The following EHBP1L1 variants were observed in gnomAD, a reference collection of about 807,000 sequenced individuals.
EHBP1L1 encodes the protein EH domain-binding protein 1-like protein 1.
In EHBP1L1, 122 loss-of-function variants were observed where a neutral mutation model predicts 151.1. The observed-to-expected ratio is 0.81, with a 90% confidence interval of 0.70 to 0.94. The LOEUF (loss-of-function observed/expected upper bound fraction) is 0.94. EHBP1L1 is among the 40% of genes least tolerant of loss of function. The probability of loss-of-function intolerance (pLI) is 0.00; values close to 1 mark genes in which losing one functional copy is unlikely to be tolerated. For synonymous variants in EHBP1L1, 878 were observed against 810.1 expected (o/e 1.08, Z -1.42); for missense variants, 1,941 against 1,959.8 (o/e 0.99, Z 0.18).
chr11:65,590,761 C>G (rs1305870195), intron 16 of EHBP1L1, among the ~76,000 whole-genome samples, 169 bp downstream of exon 16: 1 of 152,258 alleles, frequency 6.6e-6, no homozygotes, highest in Non-Finnish European at 1.5e-5. Context: ...ACTGGCCAGG[C>G]ACGGTGTCTC....
In EHBP1L1 at chr11:65,583,527, G is replaced by C; in HGVS notation, c.2855G>C (p.Trp952Ser). ...WGMSEGKSGA[W>S]GAQEAEMKVL... ...ATGTCAGAGGGCAAATCTGGGGCTT[G>C]GGGGGCCCAGGAAGCAGAGATGAAG... Residue 952 changes from tryptophan to serine, a missense_variant, in exon 9 of 19, where the codon TGG becomes TCG. Trp to Ser is a radical substitution (Grantham distance 177). Coordinates refer to ENST00000309295, the MANE Select transcript of EHBP1L1 (RefSeq NM_001099409.3). The C allele has an allele frequency of 6.2e-7, 1 of 1,613,134 alleles. No individual in the cohort carries two copies. The highest frequency in any genetic ancestry group is 8.5e-7 in the Non-Finnish European group (1 of 1,179,646).
Position 65,590,588 on chromosome 11 carries a change from C to A in EHBP1L1, c.4279C>A (p.Leu1427Met), listed in dbSNP as rs560655143. ...ALIRRQDQLQ[L>M]LMEEQDLERR... ...CATCCGGAGGCAGGACCAGCTGCAG[C>A]TGCTGTGAGTGCTGGCCCCGGGCCA... Residue 1427 changes from leucine (L) to methionine (M), a missense_variant, in exon 16 of 19, where the codon CTG (leucine) becomes ATG (methionine). By Grantham distance (15) the Leu-to-Met change is conservative (BLOSUM62 2). Transcript: ENST00000309295. 25 of 1,613,228 alleles carry A rather than the reference C, an allele frequency of 1.5e-5. No individual in the cohort carries two copies. Among genetic ancestry groups the A allele is most frequent in the Non-Finnish European group, 2.1e-5 (25 of 1,179,786 alleles).
chr11:65,578,979 C>A, intron 1 of EHBP1L1, 99 bp from the exon 2 acceptor site: 1 of 1,221,386 alleles, frequency 8.2e-7, no homozygotes, highest in Non-Finnish European at 1.2e-6. Flanking sequence ...AGAAGGAAGA[C>A]CCTGAGGGAG....
Position 65,590,527 on chromosome 11 carries a change from G to T in EHBP1L1, c.4218G>T (p.Gln1406His). 6.2e-7 allele frequency: 1 copy of T among 1,613,624 alleles called. No individual in the cohort carries two copies. Among genetic ancestry groups the T allele is most frequent in the Non-Finnish European group, 8.5e-7 (1 of 1,179,824 alleles). Residue 1406 changes from glutamine to histidine, a missense_variant, in exon 16 of 19, where the codon CAG becomes CAT. Coordinates refer to ENST00000309295, the MANE Select transcript of EHBP1L1 (RefSeq NM_001099409.3). ...ANKLQEEVLI[Q>H]EWFTLVNKKN... is the part of the protein sequence containing the mutation. ...AGCTGCAGGAGGAGGTGCTGATCCA[G>T]GAGTGGTTCACCCTGGTCAACAAGA...
chr11:65,591,693 G>A, intron 16 of EHBP1L1, 107 bp from the exon 17 acceptor site: 1 of 877,076 alleles, frequency 1.1e-6, no homozygotes, highest in Non-Finnish European at 1.9e-6. Flanking sequence ...GAACTGCTGG[G>A]GAGGTGGGAT....
At chr11:65,588,849 G>C (rs115362290) in intron 12 of EHBP1L1, among the ~76,000 whole-genome samples, 1 of 152,236 alleles carries the variant, frequency 6.6e-6, no homozygotes, top group Non-Finnish European at 1.5e-5. Context: ...CCGCTCCTGG[G>C]TGTGGGAACT....
At chr11:65,591,930 A>G in intron 17 of EHBP1L1, 46 bp from the exon 18 acceptor site, 2 of 1,603,224 alleles carry the variant, frequency 1.2e-6, no homozygotes, top group Non-Finnish European at 1.7e-6. Context: ...GAGGCGGCAC[A>G]GCCCTGGGCC....
At position 65,576,082 on chromosome 11, in the gene EHBP1L1, C is replaced by T. The variant is rs956000785; in HGVS notation, c.-221C>T. ...AACGGCGCGCTCCCAGCTCCGCGCT[C>T]GCCACCCGACGCGCCCCAGGCGACC... On this transcript the variant is annotated 5_prime_UTR_variant, in exon 1 of 19. Transcript: ENST00000309295. 1 of 322,546 alleles carries T rather than the reference C, an allele frequency of 3.1e-6. No homozygotes were observed. The highest frequency in any genetic ancestry group is 4.9e-5 in the East Asian group (1 of 20,512). The allele number at this position is 322,546 out of a possible 1,614,324, so 20.0% of individuals were successfully genotyped here.
rs1857622999 is a variant in EHBP1L1 at position 65,581,761 on chromosome 11, G to A, written c.1089G>A (p.Glu363=). Residue 363 remains glutamate, a synonymous_variant, in exon 9 of 19, where the codon GAG becomes GAA. Transcript: ENST00000309295. ...GAGCTAGGCTGGGCCCGAGCATTGA[G>A]GATAAAGGTTCTGGAGACCCTTTTG... is the stretch of plus-strand genomic sequence containing the variant. ...AHGARLGPSI[E]DKGSGDPFGR... The A allele has an allele frequency of 6.2e-7, 1 of 1,611,050 alleles. No individual in the cohort carries two copies. The highest frequency in any genetic ancestry group is 1.1e-5 in the South Asian group (1 of 90,498).
In EHBP1L1 at chr11:65,581,015, C is replaced by T. The variant is rs770271847; in HGVS notation, c.635-43C>T. The T allele has an allele frequency of 2.6e-6, 4 of 1,559,674 alleles. No homozygotes were observed. The African/African-American group carries it at 4.1e-5, about 16-fold the overall frequency. On this transcript the variant is annotated intron_variant, in intron 6 of 18. Coordinates refer to ENST00000309295, the MANE Select transcript of EHBP1L1 (RefSeq NM_001099409.3). ...GGGGGTCAGGCCTGTGGGGCCCTGC[C>T]CTGGGCTGACTCTGCCCTTCTCCCC...
chr11:65,584,616 C>G (rs1016793012), intron 11 of EHBP1L1, 82 bp downstream of exon 11: 37 of 1,539,340 alleles, frequency 2.4e-5, no homozygotes, highest in Non-Finnish European at 3.2e-5. Flanking sequence ...AGAAAGTGGA[C>G]TGCCGGGCCC....
chr11:65,584,742 C>A, intron 11 of EHBP1L1: 2 of 985,844 alleles, frequency 2.0e-6, no homozygotes, highest in Non-Finnish European at 2.9e-6. Flanking sequence ...ATGGTTTTTC[C>A]AAAACCACCC....
At position 65,583,715 on chromosome 11, in the gene EHBP1L1, G is replaced by A. The variant is rs1320156655; in HGVS notation, c.3043G>A (p.Ala1015Thr). ...ASGAGAGAPR[A>T]SSPEKAEEDR... Reference sequence around the variant, plus strand: ...TGGGGCAGGGGCTGGGGCGCCCAGGGCCTCTTCCCCAGAGAAGGCTGAAGA... The same window carrying A: ...TGGGGCAGGGGCTGGGGCGCCCAGGACCTCTTCCCCAGAGAAGGCTGAAGA... The change falls in exon 9 of 19, where the codon GCC becomes ACC. Residue 1015 changes from alanine to threonine, a missense_variant. Ala to Thr is a moderately conservative substitution (Grantham distance 58, BLOSUM62 0). Transcript: ENST00000309295. The A allele has an allele frequency of 2.6e-6, 4 of 1,551,478 alleles. No individual in the cohort carries two copies. In the South Asian group the frequency reaches 4.7e-5, roughly 18 times the overall value.
chr11:65,576,494 C>G (rs1857333373), intron 1 of EHBP1L1, 88 bp downstream of exon 1: 2 of 1,237,072 alleles, frequency 1.6e-6, no homozygotes, highest in African/African-American at 1.5e-5. Flanking sequence ...GCCCCCCCAG[C>G]CCAATGACCA....
Position 65,590,133 on chromosome 11 carries a change from C to G in EHBP1L1, c.4106C>G (p.Ala1369Gly), listed in dbSNP as rs1858190919. Residue 1369 changes from alanine to glycine, a missense_variant, in exon 15 of 19, where the codon GCC becomes GGC. Physicochemically the swap from Ala to Gly is moderately conservative, Grantham distance 60 (BLOSUM62 0). Coordinates refer to ENST00000309295, the MANE Select transcript of EHBP1L1 (RefSeq NM_001099409.3). ...CAGTACGTGTGTGCAGAGCTGCAGG[C>G]CCTGGAACAGGAGCAGAGGCAGATA... is the stretch of plus-strand genomic sequence containing the variant. The part of the protein sequence containing the change: ...TSQYVCAELQ[A>G]LEQEQRQIDG... 1 of 1,613,664 alleles carries G rather than the reference C, an allele frequency of 6.2e-7. No individual in the cohort carries two copies. The highest frequency in any genetic ancestry group is 1.1e-5 in the South Asian group (1 of 91,042).
intron 2 of EHBP1L1, 52 bp downstream of exon 2, chr11:65,579,187 AGGCTGATGGG>A (rs1857468903): frequency 5.3e-6 from 8 of 1,504,280 alleles, no homozygotes; most frequent in Non-Finnish European, 7.2e-6. Context: ...GGCCGGTGGG[AGGCTGATGGG>A]GGCTGATGGG....
Position 65,576,167 on chromosome 11 carries a change from C to A in EHBP1L1, c.-136C>A. On this transcript the variant is annotated 5_prime_UTR_variant, in exon 1 of 19. Coordinates refer to ENST00000309295, the MANE Select transcript of EHBP1L1 (RefSeq NM_001099409.3). ...GCGGCGGCAGCGGAGAGCGCGGTCC[C>A]GGGTCGGAGCCTGGGACACCTCCGC... 2 of 641,764 alleles carry A rather than the reference C, an allele frequency of 3.1e-6. No homozygotes were observed. The highest frequency in any genetic ancestry group is 2.2e-6 in the Non-Finnish European group (1 of 444,788). The allele number at this position is 641,764 out of a possible 1,614,324, so 39.8% of individuals were successfully genotyped here.
intron 9 of EHBP1L1, 182 bp from the exon 10 acceptor site, chr11:65,584,059 C>T (rs763209612): frequency 1.4e-6 from 2 of 1,431,334 alleles, no homozygotes; most frequent in Non-Finnish European, 1.8e-6. Flanking sequence ...TTTAGGTGAC[C>T]TTGGCAGATA....
At position 65,581,044 on chromosome 11, in the gene EHBP1L1, C is replaced by A. The variant is rs1482809575; in HGVS notation, c.635-14C>A. 1.3e-6 allele frequency: 2 copies of A among 1,596,578 alleles called. No individual in the cohort carries two copies. The highest frequency in any genetic ancestry group is 1.7e-6 in the Non-Finnish European group (2 of 1,171,976). ...GGCTGACTCTGCCCTTCTCCCCTCT[C>A]CTACCATTCCCAGATCCCTCTCGAG... On this transcript the variant is annotated splice_polypyrimidine_tract_variant and intron_variant, in intron 6 of 18. Coordinates refer to ENST00000309295, the MANE Select transcript of EHBP1L1 (RefSeq NM_001099409.3).
Sources: allele counts gnomAD v4.1 joint callset (sites outside exome capture counted in the v4.1 genomes callset), GRCh38; gene constraint gnomAD v4.1.1; transcripts MANE v1.5; gene names NCBI Gene and HGNC (gene_info 2026-07-23, HGNC 2026-07-21).